Variants in PLPP1 observed in about 807,000 individuals in gnomAD.
PLPP1 encodes phospholipid phosphatase 1, also known as lipid phosphate phosphohydrolase 1a.
In PLPP1, 24 loss-of-function variants were observed where a neutral mutation model predicts 31.2. The ratio of observed to expected loss-of-function variants is 0.77; its 90% CI spans 0.56 to 1.08. PLPP1 has a LOEUF of 1.08. Among genes scored for constraint, PLPP1 ranks in the 50% least tolerant of loss-of-function variants. The probability of loss-of-function intolerance (pLI) is 0.00; values close to 1 mark genes in which losing one functional copy is unlikely to be tolerated. For synonymous variants in PLPP1, 146 were observed against 126.3 expected (o/e 1.16, Z -1.05); for missense variants, 319 against 342.7 (o/e 0.93, Z 0.55).
chr5:55,510,457 T>C (rs1403730480), intron 1 of PLPP1, among the ~76,000 whole-genome samples: 13 of 152,232 alleles, frequency 8.5e-5, no homozygotes, highest in Admixed American at 8.5e-4. Context: ...AGTATCTTGA[T>C]TGTATCTGGT....
chr5:55,497,891 A>C (rs1266860613), intron 1 of PLPP1, among the ~76,000 whole-genome samples: 1 of 152,020 alleles, frequency 6.6e-6, no homozygotes, highest in East Asian at 1.9e-4. Flanking sequence ...GAAAATAAAC[A>C]CAGCAACTCT....
chr5:55,480,247 ACTTG>A (rs1752641833), intron 1 of PLPP1, among the ~76,000 whole-genome samples: 1 of 152,082 alleles, frequency 6.6e-6, no homozygotes, highest in Admixed American at 6.6e-5. Flanking sequence ...GTTTCTTATT[ACTTG>A]AGCTGGCAAA....
chr5:55,425,343 C>CAA lies in PLPP1; in HGVS notation c.727-11_727-10dup. 6.3e-7 allele frequency: 1 copy of CAA among 1,584,244 alleles called. No homozygotes were observed. On this transcript the variant is annotated splice_polypyrimidine_tract_variant and intron_variant, in intron 5 of 5. Transcript: ENST00000307259. The stretch of plus-strand genomic sequence containing the variant: ...TCCGATACATATACAGCCTACAGTG[C>CAA]AAAATATTTAATGGTATAATTTAGA...
At chr5:55,520,928 C>T (rs966520195) in intron 1 of PLPP1, among the ~76,000 whole-genome samples, 3 of 152,208 alleles carry the variant, frequency 2.0e-5, no homozygotes, top group Non-Finnish European at 2.9e-5. Flanking sequence ...AGACAGACTT[C>T]TGGCCCAGTA....
At chr5:55,524,301 G>C (rs1010519216) in intron 1 of PLPP1, among the ~76,000 whole-genome samples, 4 of 152,126 alleles carry the variant, frequency 2.6e-5, no homozygotes, top group Non-Finnish European at 2.9e-5. Context: ...AATGTTTTAA[G>C]AAAGTTTACA....
chr5:55,493,362 G>T (rs1455247321), intron 1 of PLPP1, among the ~76,000 whole-genome samples: 2 of 151,772 alleles, frequency 1.3e-5, no homozygotes, highest in African/African-American at 2.4e-5. Context: ...ATGGAACAGT[G>T]TATTATTTGC....
chr5:55,424,890 TAAATCAA>T lies in PLPP1; in HGVS notation c.*309_*315del. 1 of 704,244 alleles carries T rather than the reference TAAATCAA, an allele frequency of 1.4e-6. No individual in the cohort carries two copies. The highest frequency in any genetic ancestry group is 2.4e-6 in the Non-Finnish European group (1 of 414,584). 43.6% of individuals were successfully genotyped at this position (704,244 alleles called of 1,614,324 possible). On this transcript the variant is annotated 3_prime_UTR_variant, in exon 6 of 6. Transcript: ENST00000307259. ...CATACATTTTAATATGTATTATATT[TAAATCAA>T]ACATCATTCATAGAAAGCATATTAC...
rs548503118 is a variant in PLPP1 at position 55,441,566 on chromosome 5, T to C, written c.549+285A>G. On this transcript the variant is annotated intron_variant, in intron 4 of 5. Coordinates refer to ENST00000307259, the MANE Select transcript of PLPP1 (RefSeq NM_003711.4). ...AGCAGATGAGGAGAGTGGCTCCCAGTTAGGGAGGAGGTTAACAAGCAACAG... is the reference window on the plus strand; with the variant it reads ...AGCAGATGAGGAGAGTGGCTCCCAGCTAGGGAGGAGGTTAACAAGCAACAG... Among the ~76,000 whole-genome samples the C allele has an allele frequency of 2.0e-5, 3 of 152,234 alleles. No homozygotes were observed. In the East Asian group the frequency reaches 5.8e-4, roughly 29 times the overall value.
At chr5:55,520,333 T>A (rs1753637517) in intron 1 of PLPP1, among the ~76,000 whole-genome samples, 1 of 152,218 alleles carries the variant, frequency 6.6e-6, no homozygotes, top group Non-Finnish European at 1.5e-5. Flanking sequence ...TTCAATGCTG[T>A]TTAAACTGCA....
intron 3 of PLPP1, among the ~76,000 whole-genome samples, chr5:55,461,681 C>T (rs1251215206): frequency 6.6e-6 from 1 of 151,712 alleles, no homozygotes; most frequent in African/African-American, 2.4e-5. Flanking sequence ...AAGCAATCTG[C>T]TCTCACCACT....
At chr5:55,470,467 G>C (rs995073208) in intron 2 of PLPP1, among the ~76,000 whole-genome samples, 10 of 152,204 alleles carry the variant, frequency 6.6e-5, no homozygotes, top group Non-Finnish European at 1.5e-4. Flanking sequence ...GACAGAAAAT[G>C]AGTTTGCTAG....
At chr5:55,428,282 T>C (rs1179254454) in intron 4 of PLPP1, among the ~76,000 whole-genome samples, 1 of 152,212 alleles carries the variant, frequency 6.6e-6, no homozygotes, top group Non-Finnish European at 1.5e-5. Context: ...TTGGCTTCTC[T>C]AGTGACAAAC....
chr5:55,428,513 GT>G (rs1751265170), intron 4 of PLPP1, among the ~76,000 whole-genome samples: 1 of 152,178 alleles, frequency 6.6e-6, no homozygotes, highest in South Asian at 2.1e-4. Context: ...TCCTATATGC[GT>G]AAGTTCAACA....
Position 55,430,312 on chromosome 5 carries a change from G to A in PLPP1, c.550-4273C>T, listed in dbSNP as rs1751317458. On this transcript the variant is annotated intron_variant, in intron 4 of 5. Coordinates refer to ENST00000307259, the MANE Select transcript of PLPP1 (RefSeq NM_003711.4). ...AGCCCACCTGGACCCTCTAACATCA[G>A]TGCCAGCATACACTGCCCCAGGGCC... is the stretch of plus-strand genomic sequence containing the variant. Among the ~76,000 whole-genome samples, 3 of 152,284 alleles carry A rather than the reference G, an allele frequency of 2.0e-5. No homozygotes were observed. In the South Asian group the frequency reaches 6.2e-4, roughly 32 times the overall value.
intron 3 of PLPP1, among the ~76,000 whole-genome samples, chr5:55,463,615 G>A (rs534912352): frequency 5.3e-5 from 8 of 151,908 alleles, no homozygotes; most frequent in Admixed American, 1.3e-4. Context: ...TAGCTTCGGC[G>A]ACAGAGTGAG....
chr5:55,492,329 G>C (rs964697387), intron 1 of PLPP1, among the ~76,000 whole-genome samples: 1 of 152,168 alleles, frequency 6.6e-6, no homozygotes, highest in Non-Finnish European at 1.5e-5. Context: ...TGGGGAAAAT[G>C]ATGAAACTGT....
At chr5:55,511,612 C>T (rs1001766792) in intron 1 of PLPP1, among the ~76,000 whole-genome samples, 10 of 108,972 alleles carry the variant, frequency 9.2e-5, no homozygotes, top group Middle Eastern at 5.2e-3. Flanking sequence ...ATTTTCTTTT[C>T]TGGGCTCTTC....
At chr5:55,476,589 T>C (rs1269413295) in intron 1 of PLPP1, among the ~76,000 whole-genome samples, 1 of 152,192 alleles carries the variant, frequency 6.6e-6, no homozygotes, top group Non-Finnish European at 1.5e-5. Context: ...AGATCTGCTT[T>C]AAGACTGACC....
At chr5:55,482,805 A>T (rs1203141433) in intron 1 of PLPP1, among the ~76,000 whole-genome samples, 3 of 152,198 alleles carry the variant, frequency 2.0e-5, no homozygotes, top group Non-Finnish European at 4.4e-5. Context: ...AAACTTATTA[A>T]CCCACTCATT....
Sources: gnomAD v4.1 joint callset for allele counts (sites outside exome capture counted in the v4.1 genomes callset) on GRCh38, gnomAD v4.1.1 for gene constraint, MANE v1.5 for transcripts, NCBI Gene and HGNC (gene_info 2026-07-23, HGNC 2026-07-21) for gene names.